The following USH2A variants were observed in gnomAD, a reference collection of about 807,000 sequenced individuals.
The protein encoded by USH2A is usherin, also known as Usher syndrome 2A (autosomal recessive, mild).
A neutral mutation model predicts 538.9 loss-of-function variants in USH2A; 443 were observed. The ratio of observed to expected loss-of-function variants is 0.82; its 90% CI spans 0.76 to 0.89. The LOEUF (loss-of-function observed/expected upper bound fraction) is 0.89, where lower values mean the gene tolerates loss of function less well. Ranked by LOEUF, USH2A falls within the 40% of genes least tolerant of loss-of-function variation. USH2A has a pLI of 0.00. For synonymous variants in USH2A, 2,413 were observed against 2,273.5 expected (o/e 1.06, Z -1.75); for missense variants, 6,633 against 6,324.8 (o/e 1.05, Z -1.65).
At chr1:216,052,210 C>T (rs2030809891) in intron 30 of USH2A, among the ~76,000 whole-genome samples, 1 of 151,930 alleles carries the variant, frequency 6.6e-6, no homozygotes, top group Non-Finnish European at 1.5e-5. Flanking sequence ...TATTGTATTT[C>T]ATAGAAAAAC....
chr1:215,918,063 G>A (rs1453400615), intron 38 of USH2A, among the ~76,000 whole-genome samples: 3 of 152,016 alleles, frequency 2.0e-5, no homozygotes, highest in Non-Finnish European at 4.4e-5. Context: ...ACTATTCTAA[G>A]ATACAATCAA....
At chr1:215,969,625 G>A (rs1484359379) in intron 36 of USH2A, among the ~76,000 whole-genome samples, 2 of 151,838 alleles carry the variant, frequency 1.3e-5, no homozygotes. Context: ...CCATCAGAGG[G>A]GTCTGGGCTA....
chr1:216,216,318 C>A (rs1454069881), intron 15 of USH2A, among the ~76,000 whole-genome samples: 1 of 152,088 alleles, frequency 6.6e-6, no homozygotes, highest in African/African-American at 2.4e-5. Context: ...TGAAGAGAAA[C>A]TACACAGGTA....
In USH2A at chr1:216,222,749, C is replaced by T. The variant is rs193157698; in HGVS notation, c.2994-5199G>A. Among the ~76,000 whole-genome samples the T allele has an allele frequency of 2.6e-5, 4 of 152,108 alleles. No individual in the cohort carries two copies. The South Asian group carries it at 6.2e-4, about 24-fold the overall frequency. ...ATCCCAGCACTTTGGGAGGCCAAGG[C>T]GGGCAGATCACCTGAGGTTGGGAGT... On this transcript the variant is annotated intron_variant, in intron 14 of 71. Coordinates refer to ENST00000307340, the MANE Select transcript of USH2A (RefSeq NM_206933.4).
At chr1:216,392,487 G>A (rs555608082) in intron 3 of USH2A, among the ~76,000 whole-genome samples, 62 of 95,612 alleles carry the variant, frequency 6.5e-4, no homozygotes, top group Middle Eastern at 0.02. Context: ...GCAAGACTCC[G>A]TCTCAAAAAA....
At chr1:215,689,722 A>C (rs1342993969) in intron 61 of USH2A, among the ~76,000 whole-genome samples, 1 of 152,262 alleles carries the variant, frequency 6.6e-6, no homozygotes, top group African/African-American at 2.4e-5. Context: ...AACAGCCAAC[A>C]GGAAGCCAGG....
rs376496828 is a variant in USH2A at position 216,210,616 on chromosome 1, T to C, written c.3158-3185A>G. ...TCATTTCTGCGTTCATCCTCCTTCA[T>C]TCAGTCTTGTAATGACAGTCTCAAA... On this transcript the variant is annotated intron_variant, in intron 15 of 71. Coordinates refer to ENST00000307340, the MANE Select transcript of USH2A (RefSeq NM_206933.4). 1.1e-4 allele frequency among the ~76,000 whole-genome samples: 17 copies of C among 152,290 alleles called. No homozygotes were observed. In the East Asian group the frequency reaches 2.3e-3, roughly 21 times the overall value.
intron 31 of USH2A, among the ~76,000 whole-genome samples, chr1:216,047,058 T>C (rs1235365491): frequency 1.3e-5 from 2 of 152,194 alleles, no homozygotes; most frequent in Admixed American, 6.5e-5. Flanking sequence ...ATGAAAACTT[T>C]AGTGCATATT....
chr1:215,655,725 C>CTTTT (rs766225635), intron 64 of USH2A, among the ~76,000 whole-genome samples: 55 of 96,174 alleles, frequency 5.7e-4, no homozygotes, highest in African/African-American at 8.1e-4. Flanking sequence ...GCTAGTTATT[C>CTTTT]TTTTTTTTTT....
chr1:215,771,289 T>C (rs1174483799), intron 55 of USH2A, among the ~76,000 whole-genome samples: 8 of 151,438 alleles, frequency 5.3e-5, no homozygotes, highest in African/African-American at 1.9e-4. Context: ...TCCAGTAATA[T>C]AAAAAATTCG....
At chr1:216,110,036 A>G (rs947898241) in intron 21 of USH2A, among the ~76,000 whole-genome samples, 2 of 152,188 alleles carry the variant, frequency 1.3e-5, no homozygotes, top group East Asian at 3.8e-4. Flanking sequence ...GAATTTTTCA[A>G]AAATTTAGGA....
At chr1:216,286,174 ATTGTAG>A (rs1205147342) in intron 11 of USH2A, among the ~76,000 whole-genome samples, 26 of 152,270 alleles carry the variant, frequency 1.7e-4, no homozygotes, top group African/African-American at 6.0e-4. Flanking sequence ...CTCATCTTGA[ATTGTAG>A]TTCCCATAAT....
At chr1:215,875,412 T>C (rs1339771) in intron 43 of USH2A, among the ~76,000 whole-genome samples, 96,984 of 152,014 alleles carry the variant, frequency 0.64, 32,036 homozygotes, top group African/African-American at 0.8. Flanking sequence ...AATATCCCTT[T>C]AACACAATTT....
At chr1:216,093,621 A>T (rs1441727257) in intron 22 of USH2A, among the ~76,000 whole-genome samples, 1 of 152,198 alleles carries the variant, frequency 6.6e-6, no homozygotes, top group Non-Finnish European at 1.5e-5. Flanking sequence ...CTTTAGAAAT[A>T]GCAACACCAC....
At chr1:216,117,342 C>A (rs2033033193) in intron 21 of USH2A, among the ~76,000 whole-genome samples, 1 of 152,102 alleles carries the variant, frequency 6.6e-6, no homozygotes, top group East Asian at 1.9e-4. Flanking sequence ...AGAATAAAAT[C>A]TCATAACTAT....
At chr1:216,083,089 A>G (rs1434945877) in intron 26 of USH2A, among the ~76,000 whole-genome samples, 1 of 152,038 alleles carries the variant, frequency 6.6e-6, no homozygotes, top group Non-Finnish European at 1.5e-5. Context: ...ATATTATTAT[A>G]CTTGATTATC....
intron 55 of USH2A, 122 bp from the exon 56 acceptor site, chr1:215,766,910 A>T: frequency 1.1e-6 from 1 of 948,268 alleles, no homozygotes; most frequent in Non-Finnish European, 1.6e-6. Flanking sequence ...GTACTCTCTA[A>T]AACACTCTTT....
At position 215,837,085 on chromosome 1, in the gene USH2A, G is replaced by A. The variant is rs143784359; in HGVS notation, c.9371+906C>T. On this transcript the variant is annotated intron_variant, in intron 47 of 71. Coordinates refer to ENST00000307340, the MANE Select transcript of USH2A (RefSeq NM_206933.4). ...GCAGACAAGATATGATTATTGCCACGAACAGCTAACAGTCAGGTTAGTTGA... is the reference window on the plus strand; with the variant it reads ...GCAGACAAGATATGATTATTGCCACAAACAGCTAACAGTCAGGTTAGTTGA... Among the ~76,000 whole-genome samples, 922 of 152,118 alleles carry A rather than the reference G, an allele frequency of 6.1e-3. 8 individuals carry two copies. The highest frequency in any genetic ancestry group is 0.021 in the African/African-American group (876 of 41,494).
intron 44 of USH2A, among the ~76,000 whole-genome samples, chr1:215,850,537 G>A (rs1663988823): frequency 6.6e-6 from 1 of 152,092 alleles, no homozygotes; most frequent in South Asian, 2.1e-4. Flanking sequence ...TCACTAGATG[G>A]AAAAAGCCTG....
Sources: allele counts gnomAD v4.1 joint callset (sites outside exome capture counted in the v4.1 genomes callset), GRCh38; gene constraint gnomAD v4.1.1; transcripts MANE v1.5; gene names NCBI Gene and HGNC (gene_info 2026-07-23, HGNC 2026-07-21).